WTAP: variants seen among roughly 807,000 people sequenced by gnomAD.
The protein encoded by WTAP is pre-mRNA-splicing regulator WTAP.
A neutral mutation model predicts 50.0 loss-of-function variants in WTAP; 8 were observed. That is an observed-to-expected ratio of 0.16 (90% CI 0.09 to 0.29). The LOEUF (loss-of-function observed/expected upper bound fraction) is 0.29. Ranked by LOEUF, WTAP falls within the 10% of genes least tolerant of loss-of-function variation. The pLI, the probability that WTAP is intolerant of heterozygous loss-of-function variation, is 1.00. For missense variants in WTAP, 295 were observed against 470.7 expected, an observed-to-expected ratio of 0.63 and a Z score of 3.45; for synonymous variants, 194 against 169.0, an observed-to-expected ratio of 1.15 and a Z score of -1.15.
At chr6:159,734,894 C>A (rs1583071326) in intron 1 of WTAP, among the ~76,000 whole-genome samples, 1 of 151,988 alleles carries the variant, frequency 6.6e-6, no homozygotes, top group East Asian at 1.9e-4. Context: ...GTTTATTACA[C>A]ATTTTTTCTT....
chr6:159,742,192 G>A (rs1779297954), intron 4 of WTAP, 46 bp downstream of exon 4: 1 of 1,457,754 alleles, frequency 6.9e-7, no homozygotes, highest in Non-Finnish European at 9.4e-7. Context: ...ATCTCCTTTT[G>A]ATTGTTAAAA....
intron 1 of WTAP, among the ~76,000 whole-genome samples, chr6:159,728,075 C>T (rs1181924884): frequency 1.3e-5 from 2 of 152,256 alleles, no homozygotes; most frequent in African/African-American, 4.8e-5. Context: ...GACCTGGCGG[C>T]ACTAACGAGT....
Position 159,755,137 on chromosome 6 carries a change from C to T in WTAP, c.717C>T (p.Tyr239=). The T allele has an allele frequency of 5.6e-6, 9 of 1,614,118 alleles. No individual in the cohort carries two copies. The highest frequency in any genetic ancestry group is 7.6e-6 in the Non-Finnish European group (9 of 1,180,016). ...LKETRQQLAQ[Y]QQQQSQASAP... is the part of the protein sequence containing the mutation. Reference sequence around the variant, plus strand: ...AGACACGCCAGCAGTTGGCTCAGTACCAGCAGCAGCAGTCTCAGGCCTCTG... The same window carrying T: ...AGACACGCCAGCAGTTGGCTCAGTATCAGCAGCAGCAGTCTCAGGCCTCTG... Residue 239 remains tyrosine, a synonymous_variant, in exon 8 of 8, where the codon TAC becomes TAT. Transcript: ENST00000621533.
rs1316243386 is a variant in WTAP, at chr6:159,727,663, C to T, written c.-49C>T. On this transcript the variant is annotated 5_prime_UTR_variant, in exon 1 of 8. Coordinates refer to ENST00000621533, the MANE Select transcript of WTAP (RefSeq NM_001270531.2). ...GCAGGGCAAGCAGCGCGGCCTCGGCCTATGCGACCGGTGGCGCCGGCGCGG... is the reference window on the plus strand; with the variant it reads ...GCAGGGCAAGCAGCGCGGCCTCGGCTTATGCGACCGGTGGCGCCGGCGCGG... The T allele has an allele frequency of 2.5e-5, 25 of 984,794 alleles. No homozygotes were observed. Among genetic ancestry groups the T allele is most frequent in the Admixed American group, 1.9e-4 (3 of 16,186 alleles). 61.0% of individuals were successfully genotyped at this position (984,794 alleles called of 1,614,324 possible).
chr6:159,726,789 A>G (rs1220697341), upstream of WTAP: 1 of 1,289,096 alleles, frequency 7.8e-7, no homozygotes, highest in Non-Finnish European at 1.0e-6. Context: ...CCCAGCGGCC[A>G]GGAGACTGCG....
At chr6:159,749,181 G>A in intron 6 of WTAP, 1 of 985,824 alleles carries the variant, frequency 1.0e-6, no homozygotes, top group Non-Finnish European at 1.2e-6. Context: ...CAAACTTCAG[G>A]TTGAAACTGT....
chr6:159,751,374 T>C (rs1259880327), intron 6 of WTAP, among the ~76,000 whole-genome samples: 3 of 152,226 alleles, frequency 2.0e-5, no homozygotes, highest in Non-Finnish European at 4.4e-5. Flanking sequence ...AAAATTCATA[T>C]AGTAAGAAGG....
chr6:159,727,034 G>A, upstream of WTAP: 8 of 1,228,646 alleles, frequency 6.5e-6, no homozygotes, highest in Non-Finnish European at 8.3e-6. Context: ...GCCGCAGGTG[G>A]CCCCGGCGAG....
At chr6:159,737,910 G>A (rs1008437037) in intron 2 of WTAP, among the ~76,000 whole-genome samples, 3 of 152,132 alleles carry the variant, frequency 2.0e-5, no homozygotes, top group Non-Finnish European at 4.4e-5. Context: ...TCAGCTTTTT[G>A]TTTTGAAATA....
chr6:159,727,126 T>C, upstream of WTAP: 2 of 1,195,790 alleles, frequency 1.7e-6, no homozygotes, highest in Non-Finnish European at 2.1e-6. Context: ...CCGCTTCCCT[T>C]ACTGAGCTTG....
intron 2 of WTAP, 62 bp downstream of exon 2, chr6:159,736,357 C>T: frequency 1.5e-6 from 2 of 1,304,524 alleles, no homozygotes; most frequent in Admixed American, 2.0e-5. Flanking sequence ...CTTTTTTAAG[C>T]ACTTTAAAAA....
At chr6:159,743,570 G>A (rs1779388799) in intron 4 of WTAP, 95 bp from the exon 5 acceptor site, 1 of 1,201,858 alleles carries the variant, frequency 8.3e-7, no homozygotes, top group Admixed American at 2.7e-5. Flanking sequence ...CTAAAGACTT[G>A]ATTAATTTTT....
At chr6:159,750,065 TGAA>T (rs1335794516) in intron 6 of WTAP, among the ~76,000 whole-genome samples, 3 of 151,988 alleles carry the variant, frequency 2.0e-5, no homozygotes, top group Non-Finnish European at 4.4e-5. Context: ...GAGGGTGGGT[TGAA>T]GAAGTGGTTT....
chr6:159,732,548 T>C (rs770508917), intron 1 of WTAP, among the ~76,000 whole-genome samples: 1 of 152,176 alleles, frequency 6.6e-6, no homozygotes, highest in Non-Finnish European at 1.5e-5. Context: ...ATTAAAAATA[T>C]TATTGGCCGG....
chr6:159,747,765 T>C lies in WTAP; in HGVS notation c.274-426T>C, dbSNP rs149455559. 5.7e-3 allele frequency among the ~76,000 whole-genome samples: 868 copies of C among 152,262 alleles called. 7 individuals carry two copies. The highest frequency in any genetic ancestry group is 0.02 in the African/African-American group (827 of 41,544). Reference sequence around the variant, plus strand: ...CTGGGTTGTCAGCATTTTTAGTAAATATAATGTTGATTTTCGTTTGTTTTT... The same window carrying C: ...CTGGGTTGTCAGCATTTTTAGTAAACATAATGTTGATTTTCGTTTGTTTTT... On this transcript the variant is annotated intron_variant, in intron 5 of 7. Transcript: ENST00000621533.
At chr6:159,729,698 C>T (rs534454218) in intron 1 of WTAP, among the ~76,000 whole-genome samples, 5 of 152,314 alleles carry the variant, frequency 3.3e-5, no homozygotes, top group African/African-American at 1.2e-4. Flanking sequence ...TGGAATCACA[C>T]ATGGCAGATA....
At chr6:159,739,483 G>A (rs1182887272) in intron 3 of WTAP, among the ~76,000 whole-genome samples, 2 of 152,124 alleles carry the variant, frequency 1.3e-5, no homozygotes, top group African/African-American at 2.4e-5. Flanking sequence ...ATTGTTAAAG[G>A]TGACTTCCAG....
In WTAP at chr6:159,755,807, C is replaced by T. The variant is rs1451850014; in HGVS notation, c.*196C>T. 8.2e-5 allele frequency: 71 copies of T among 868,902 alleles called. No individual in the cohort carries two copies. The highest frequency in any genetic ancestry group is 2.8e-4 in the African/African-American group (11 of 39,592). The allele number at this position is 868,902 out of a possible 1,614,324, so 53.8% of individuals were successfully genotyped here. ...TTTTTTTTTGCTTCAATACTTCTGC[C>T]GCTTTGGAAATTGTAACAGTTAATT... On this transcript the variant is annotated 3_prime_UTR_variant, in exon 8 of 8. Coordinates refer to ENST00000621533, the MANE Select transcript of WTAP (RefSeq NM_001270531.2).
intron 6 of WTAP, 87 bp from the exon 7 acceptor site, chr6:159,753,373 A>G (rs941591761): frequency 1.3e-6 from 2 of 1,558,402 alleles, no homozygotes; most frequent in Non-Finnish European, 1.8e-6. Context: ...TTATGTTTGT[A>G]TGTGTTACAT....
Sources: gnomAD v4.1 joint callset for allele counts (sites outside exome capture counted in the v4.1 genomes callset) on GRCh38, gnomAD v4.1.1 for gene constraint, MANE v1.5 for transcripts, NCBI Gene and HGNC (gene_info 2026-07-23, HGNC 2026-07-21) for gene names.